Variants in CSTPP1 observed in about 807,000 individuals in gnomAD.
CSTPP1 encodes centriolar satellite-associated tubulin polyglutamylase complex regulator 1.
At chr11:46,989,185 G>T in the CSTPP1 span, among the ~76,000 whole-genome samples, 2 of 151,934 alleles carry the variant, frequency 1.3e-5, no homozygotes, top group Non-Finnish European at 2.9e-5. Context: ...AGCCAAGATG[G>T]TGCCACTGCA....
At chr11:47,141,476 G>A in the CSTPP1 span, among the ~76,000 whole-genome samples, 1 of 151,998 alleles carries the variant, frequency 6.6e-6, no homozygotes, top group Non-Finnish European at 1.5e-5. Context: ...GCGTGGTGGT[G>A]TGCGTCTGTG....
the CSTPP1 span, among the ~76,000 whole-genome samples, chr11:47,039,918 C>T: frequency 3.1e-5 from 4 of 128,770 alleles, 1 homozygote; most frequent in Admixed American, 1.6e-4. Context: ...GGAGGCAGTC[C>T]TTCATAGGTC....
At chr11:46,959,213 T>G in the CSTPP1 span, among the ~76,000 whole-genome samples, 1 of 151,718 alleles carries the variant, frequency 6.6e-6, no homozygotes, top group African/African-American at 2.4e-5. Context: ...TTTTTTTTTT[T>G]GCATGTGAAT....
the CSTPP1 span, among the ~76,000 whole-genome samples, chr11:47,016,399 AAAAAC>A: frequency 6.6e-3 from 130 of 19,624 alleles, 1 homozygote; most frequent in African/African-American, 0.025. Context: ...ACAAAAAACA[AAAAAC>A]AAAAAACAAA....
the CSTPP1 span, among the ~76,000 whole-genome samples, chr11:47,046,096 T>C: frequency 1.3e-5 from 2 of 152,256 alleles, no homozygotes; most frequent in East Asian, 1.9e-4. Flanking sequence ...AAAGTGGTAA[T>C]TTTTACATTT....
At chr11:46,946,232 A>G in the CSTPP1 span, among the ~76,000 whole-genome samples, 12 of 152,242 alleles carry the variant, frequency 7.9e-5, no homozygotes, top group Non-Finnish European at 1.5e-4. Context: ...TCATTTATAT[A>G]TTCAAGTAAT....
At chr11:47,084,286 C>CTT in the CSTPP1 span, among the ~76,000 whole-genome samples, 2 of 152,146 alleles carry the variant, frequency 1.3e-5, no homozygotes, top group African/African-American at 4.8e-5. Context: ...GGTAGGAGTT[C>CTT]TTTACACATT....
At chr11:47,143,321 T>A in the CSTPP1 span, among the ~76,000 whole-genome samples, 59 of 152,212 alleles carry the variant, frequency 3.9e-4, no homozygotes, top group African/African-American at 1.3e-3. Flanking sequence ...TCAAGGCAGT[T>A]ACTATTGCTA....
chr11:46,975,015 G>A, the CSTPP1 span, among the ~76,000 whole-genome samples: 1 of 144,552 alleles, frequency 6.9e-6, no homozygotes, highest in Non-Finnish European at 1.5e-5. Flanking sequence ...GGGTGCAGTG[G>A]CTCACACCTG....
chr11:47,052,206 A>T, the CSTPP1 span: 2 of 626,344 alleles, frequency 3.2e-6, no homozygotes, highest in Non-Finnish European at 4.9e-6. Context: ...GTTTTCGGAA[A>T]GGTATGGTTA....
chr11:46,985,584 T>C, the CSTPP1 span, among the ~76,000 whole-genome samples: 1 of 152,194 alleles, frequency 6.6e-6, no homozygotes, highest in African/African-American at 2.4e-5. Flanking sequence ...AGGAAACCTC[T>C]GTCATACCTA....
chr11:47,061,350 T>C, the CSTPP1 span, among the ~76,000 whole-genome samples: 12 of 152,352 alleles, frequency 7.9e-5, no homozygotes, highest in Middle Eastern at 3.4e-3. Flanking sequence ...TCTGTTAGTT[T>C]TTCTAAAATA....
chr11:47,156,963 C>A, the CSTPP1 span: 2 of 1,567,134 alleles, frequency 1.3e-6, no homozygotes, highest in Admixed American at 1.7e-5. Flanking sequence ...AGTGAACAGA[C>A]AAAACATGTC....
At chr11:46,997,421 CT>C in the CSTPP1 span, among the ~76,000 whole-genome samples, 1 of 152,148 alleles carries the variant, frequency 6.6e-6, no homozygotes, top group Non-Finnish European at 1.5e-5. Context: ...CATTTAAGGT[CT>C]TTTCTACACT....
chr11:47,077,616 T>C, the CSTPP1 span, among the ~76,000 whole-genome samples: 1 of 152,066 alleles, frequency 6.6e-6, no homozygotes, highest in African/African-American at 2.4e-5. Context: ...TTTAGGAAGA[T>C]GAAATTATGA....
chr11:47,037,755 G>A, the CSTPP1 span, among the ~76,000 whole-genome samples: 9 of 127,094 alleles, frequency 7.1e-5, 1 homozygote, highest in African/African-American at 2.2e-4. Flanking sequence ...TCTTAGTGCA[G>A]AACAAAATGA....
At chr11:46,981,295 C>T in the CSTPP1 span, among the ~76,000 whole-genome samples, 2 of 151,244 alleles carry the variant, frequency 1.3e-5, no homozygotes, top group Admixed American at 1.3e-4. Context: ...ATATATCAGA[C>T]ACTTAAAAAC....
the CSTPP1 span, among the ~76,000 whole-genome samples, chr11:47,096,790 CTG>C: frequency 6.9e-6 from 1 of 145,914 alleles, no homozygotes; most frequent in Non-Finnish European, 1.5e-5. Context: ...TAAACAATTT[CTG>C]CAATGTTAAG....
the CSTPP1 span, among the ~76,000 whole-genome samples, chr11:47,047,594 C>T: frequency 1.3e-5 from 2 of 152,110 alleles, no homozygotes; most frequent in Non-Finnish European, 2.9e-5. Context: ...GTTTTCATAA[C>T]ATTAAATTTA....
Sources: allele counts gnomAD v4.1 joint callset (sites outside exome capture counted in the v4.1 genomes callset), GRCh38; gene constraint gnomAD v4.1.1; transcripts MANE v1.5; gene names NCBI Gene and HGNC (gene_info 2026-07-23, HGNC 2026-07-21).